Variants in SLC30A7 observed in about 807,000 individuals in gnomAD.
SLC30A7 encodes solute carrier family 30 member 7, also known as zinc transporter 7.
A neutral mutation model predicts 46.0 loss-of-function variants in SLC30A7; 35 were observed. The observed-to-expected ratio is 0.76, with a 90% CI of 0.58 to 1.01. The LOEUF is 1.01. SLC30A7 is among the 50% of genes least tolerant of loss of function. The probability of loss-of-function intolerance (pLI) is 0.00; values close to 1 mark genes in which losing one functional copy is unlikely to be tolerated. For synonymous variants in SLC30A7, 147 were observed against 157.8 expected (o/e 0.93, Z 0.51); for missense variants, 464 against 451.1 (o/e 1.03, Z -0.26).
At chr1:100,963,784 T>C (rs995675125) in intron 9 of SLC30A7, among the ~76,000 whole-genome samples, 3 of 152,190 alleles carry the variant, frequency 2.0e-5, no homozygotes, top group Non-Finnish European at 4.4e-5. Flanking sequence ...CTAGTGACTT[T>C]TGAATTGCAC....
chr1:100,908,603 T>C (rs2101012450), intron 3 of SLC30A7, among the ~76,000 whole-genome samples: 1 of 152,286 alleles, frequency 6.6e-6, no homozygotes, highest in South Asian at 2.1e-4. Context: ...TATATATCTA[T>C]AAATTCAAAC....
intron 8 of SLC30A7, among the ~76,000 whole-genome samples, chr1:100,947,477 G>A (rs1375342898): frequency 3.9e-5 from 6 of 152,180 alleles, no homozygotes; most frequent in Non-Finnish European, 1.5e-5. Context: ...TTCCAATTAT[G>A]TGGTCAATTT....
intron 8 of SLC30A7, among the ~76,000 whole-genome samples, chr1:100,933,085 C>G (rs550806770): frequency 8.6e-5 from 13 of 151,514 alleles, no homozygotes; most frequent in Non-Finnish European, 1.8e-4. Context: ...AGGGGATTCT[C>G]CTGCCTCAGC....
chr1:100,960,874 T>C (rs1047152724), intron 8 of SLC30A7, among the ~76,000 whole-genome samples: 1 of 151,596 alleles, frequency 6.6e-6, no homozygotes, highest in African/African-American at 2.4e-5. Flanking sequence ...CTAAGGTGAA[T>C]TGGATATGTG....
At chr1:100,915,662 G>A (rs933230768) in intron 6 of SLC30A7, among the ~76,000 whole-genome samples, 3 of 152,064 alleles carry the variant, frequency 2.0e-5, no homozygotes, top group African/African-American at 7.2e-5. Flanking sequence ...ATACCACATT[G>A]CTTTATCCAT....
intron 6 of SLC30A7, among the ~76,000 whole-genome samples, chr1:100,916,915 C>T (rs1652600509): frequency 6.6e-6 from 1 of 152,050 alleles, no homozygotes; most frequent in Non-Finnish European, 1.5e-5. Context: ...TATTTATTTA[C>T]CTTTGCTGTT....
chr1:100,990,233 C>T, the SLC30A7 span: 282 of 616,248 alleles, frequency 4.6e-4, 2 homozygotes, highest in Non-Finnish European at 9.7e-5. Context: ...CTCATGAAAG[C>T]TCACTATCAT....
At chr1:100,924,247 T>C (rs1312259244) in intron 8 of SLC30A7, among the ~76,000 whole-genome samples, 2 of 152,244 alleles carry the variant, frequency 1.3e-5, no homozygotes, top group Non-Finnish European at 2.9e-5. Flanking sequence ...TTGACCTCTT[T>C]GGTCTCTCTC....
At chr1:100,949,118 A>T (rs1176169612) in intron 8 of SLC30A7, among the ~76,000 whole-genome samples, 2 of 151,794 alleles carry the variant, frequency 1.3e-5, no homozygotes, top group Non-Finnish European at 2.9e-5. Context: ...GGTTTTTAGA[A>T]TTTTCAGCTT....
intron 3 of SLC30A7, among the ~76,000 whole-genome samples, chr1:100,910,660 A>G (rs1167952139): frequency 6.6e-6 from 1 of 152,174 alleles, no homozygotes; most frequent in Non-Finnish European, 1.5e-5. Context: ...AGAGAAATTA[A>G]TAAGTTTAAA....
At chr1:100,946,936 G>A (rs745380565) in intron 8 of SLC30A7, among the ~76,000 whole-genome samples, 16 of 152,010 alleles carry the variant, frequency 1.1e-4, no homozygotes, top group Non-Finnish European at 1.8e-4. Flanking sequence ...TTGGTTGGTA[G>A]GCTGTTAATT....
the SLC30A7 span, chr1:100,990,471 C>G: frequency 6.2e-7 from 1 of 1,614,014 alleles, no homozygotes; most frequent in Non-Finnish European, 8.5e-7. Context: ...GACTTAGCAT[C>G]TCCATCTCCA....
At chr1:100,937,677 T>A (rs1418942424) in intron 8 of SLC30A7, among the ~76,000 whole-genome samples, 2 of 152,190 alleles carry the variant, frequency 1.3e-5, no homozygotes, top group Non-Finnish European at 2.9e-5. Flanking sequence ...GTTGTTGAAT[T>A]GTGGGTGTTC....
intron 10 of SLC30A7, chr1:100,972,683 T>A (rs1227182056): frequency 1.3e-5 from 2 of 152,170 alleles, no homozygotes; most frequent in East Asian, 3.8e-4. Flanking sequence ...TGGTTTGATA[T>A]ATAAGAATTT....
At chr1:100,917,342 A>G (rs758349700) in intron 6 of SLC30A7, among the ~76,000 whole-genome samples, 20 of 152,184 alleles carry the variant, frequency 1.3e-4, no homozygotes, top group Non-Finnish European at 2.1e-4. Flanking sequence ...GAACATTGTT[A>G]TAATGCTCTA....
At chr1:100,946,636 C>T (rs937814772) in intron 8 of SLC30A7, among the ~76,000 whole-genome samples, 2 of 152,100 alleles carry the variant, frequency 1.3e-5, no homozygotes, top group East Asian at 1.9e-4. Flanking sequence ...AGATGAAGCC[C>T]ACTTGATCAT....
the SLC30A7 span, among the ~76,000 whole-genome samples, chr1:100,987,132 G>A: frequency 2.2e-4 from 33 of 152,140 alleles, no homozygotes; most frequent in Non-Finnish European, 4.6e-4. Context: ...AATTTGGTAG[G>A]TTCCCTACTA....
intron 8 of SLC30A7, among the ~76,000 whole-genome samples, chr1:100,923,493 A>G (rs981879060): frequency 6.6e-6 from 1 of 152,232 alleles, no homozygotes; most frequent in Non-Finnish European, 1.5e-5. Context: ...AAAGTCTGTT[A>G]TAAGCTCAGC....
In SLC30A7 at chr1:100,978,126, GT is replaced by G. The variant is rs1656671813; in HGVS notation, c.*3272del. 6.6e-6 allele frequency: 1 copy of G among 152,148 alleles called. No individual in the cohort carries two copies. Among genetic ancestry groups the G allele is most frequent in the Non-Finnish European group, 1.5e-5 (1 of 68,040 alleles). 9.4% of individuals were successfully genotyped at this position (152,148 alleles called of 1,614,324 possible). A position where few individuals can be genotyped will look rare whatever the true frequency, so the allele number is the denominator to read the frequency against. ...GCTTAACATATCCACAGCTTCCTCA[GT>G]TTGCTAACTCCCCATGCATCTTTGT... On this transcript the variant is annotated 3_prime_UTR_variant, in exon 11 of 11. Transcript: ENST00000357650.
Sources: allele counts gnomAD v4.1 joint callset (sites outside exome capture counted in the v4.1 genomes callset), GRCh38; gene constraint gnomAD v4.1.1; transcripts MANE v1.5; gene names NCBI Gene and HGNC (gene_info 2026-07-23, HGNC 2026-07-21).